Variants in HERC2 observed in about 807,000 individuals in gnomAD.
HERC2 encodes the protein HECT and RLD domain containing E3 ubiquitin protein ligase 2.
HERC2 carries 102 observed loss-of-function variants against 537.7 expected under a neutral mutation model. The observed-to-expected ratio is 0.19, with a 90% CI of 0.16 to 0.22. The LOEUF is 0.22. Among genes scored for constraint, HERC2 ranks in the 10% least tolerant of loss-of-function variants. The pLI, the probability that HERC2 is intolerant of heterozygous loss-of-function variation, is 1.00. For missense variants in HERC2, 4,236 were observed against 6,198.2 expected, an observed-to-expected ratio of 0.68 and a Z score of 10.63; for synonymous variants, 2,224 against 2,466.2, an observed-to-expected ratio of 0.90 and a Z score of 2.91.
chr15:28,248,132 C>G (rs1329929552), intron 21 of HERC2, among the ~76,000 whole-genome samples: 2 of 152,190 alleles, frequency 1.3e-5, no homozygotes, highest in Non-Finnish European at 2.9e-5. Context: ...AACTATTAAG[C>G]CGAGCTGTAA....
chr15:28,276,443 A>G (rs1011116553), intron 5 of HERC2, among the ~76,000 whole-genome samples: 4 of 152,180 alleles, frequency 2.6e-5, no homozygotes, highest in Admixed American at 6.5e-5. Flanking sequence ...AGACACAGAC[A>G]TGTAACAGGA....
At position 28,177,368 on chromosome 15, in the gene HERC2, A is replaced by C; in HGVS notation, c.9254+51T>G. ...CTGCAAAATAATTCTCAAGAGTATC[A>C]GTCAGAAACAGTTTCTTATTAGCAA... On this transcript the variant is annotated intron_variant, in intron 60 of 92. Coordinates refer to ENST00000261609, the MANE Select transcript of HERC2 (RefSeq NM_004667.6). This position sits in a 1 kb window ranked among gnomAD's most constrained non-coding sequence, Gnocchi z 5.0. 1 of 1,489,102 alleles carries C rather than the reference A, an allele frequency of 6.7e-7. No individual in the cohort carries two copies. The highest frequency in any genetic ancestry group is 1.1e-5 in the South Asian group (1 of 88,174). The allele number at this position is 1,489,102 out of a possible 1,614,324, so 92.2% of individuals were successfully genotyped here.
At chr15:28,287,192 ATG>A (rs1480101474) in intron 4 of HERC2, among the ~76,000 whole-genome samples, 1 of 152,236 alleles carries the variant, frequency 6.6e-6, no homozygotes, top group East Asian at 1.9e-4. Flanking sequence ...GCTCAAATTA[ATG>A]TGTTTTTCTT....
At position 28,160,108 on chromosome 15, in the gene HERC2, G is replaced by A. The variant is rs957427531; in HGVS notation, c.10746+2986C>T. Among the ~76,000 whole-genome samples the A allele has an allele frequency of 5.9e-5, 9 of 152,298 alleles. No individual in the cohort carries two copies. The Middle Eastern group carries it at 0.014, about 232-fold the overall frequency. ...TTCCTCTGGAAGTTTTGTCTCAGAG[G>A]GGTACCCGGCCGTGTGAGGTGTCAG... On this transcript the variant is annotated intron_variant, in intron 69 of 92. Coordinates refer to ENST00000261609, the MANE Select transcript of HERC2 (RefSeq NM_004667.6).
In HERC2 at chr15:28,191,190, T is replaced by C. The variant is rs140167298; in HGVS notation, c.8506A>G (p.Ile2836Val). 85 of 1,613,998 alleles carry C rather than the reference T, an allele frequency of 5.3e-5. No homozygotes were observed. The African/African-American group carries it at 8.9e-4, about 17-fold the overall frequency. The change falls in exon 54 of 93, where the codon ATC (isoleucine) becomes GTC (valine). Residue 2836 changes from isoleucine to valine, a missense_variant. Physicochemically the swap from Ile to Val is conservative, Grantham distance 29 (BLOSUM62 3). Around this residue, in one of 27 missense-constraint regions of HERC2, gnomAD observed 606 missense variants for 884.5 expected, o/e 0.69. Transcript: ENST00000261609. ...TAGCTACTGTCAGCAGGATCTACGA[T>C]CATTTTTAATCTATGAACAAGAACA... The part of the protein sequence containing the change: ...PDVLVHRLKM[I>V]VDPADSSYMP...
At chr15:28,261,019 C>T (rs2075402254) in intron 15 of HERC2, 49 bp from the exon 16 acceptor site, 3 of 1,424,010 alleles carry the variant, frequency 2.1e-6, no homozygotes, top group Non-Finnish European at 2.9e-6. Context: ...ATGACTTCCG[C>T]TGCAAGAAAG....
At chr15:28,132,363 T>C (rs1890196624) in intron 80 of HERC2, 102 bp from the exon 81 acceptor site, 1 of 1,116,050 alleles carries the variant, frequency 9.0e-7, no homozygotes, top group African/African-American at 1.6e-5. Flanking sequence ...GGGGTACCTG[T>C]TTTAAGCCTT....
chr15:28,147,731 A>T (rs1192815472), intron 70 of HERC2, among the ~76,000 whole-genome samples: 1 of 152,136 alleles, frequency 6.6e-6, no homozygotes, highest in African/African-American at 2.4e-5. Flanking sequence ...ATAAAAAGTT[A>T]TTGTTAGAAA....
chr15:28,146,894 G>T (rs1236352494), intron 70 of HERC2, among the ~76,000 whole-genome samples: 1 of 132,392 alleles, frequency 7.6e-6, no homozygotes, highest in Non-Finnish European at 1.6e-5. Flanking sequence ...CGGGAAAGAG[G>T]CAGGGGAGGA....
At position 28,272,300 on chromosome 15, in the gene HERC2, G is replaced by A. The variant is rs1241507211; in HGVS notation, c.998C>T (p.Thr333Ile). ...CAGCAAGGGCAAAAGTGGGGCGCTG[G>A]TGCCCTGGGCGGAACGCTCATTGTC... ...ETDNERSAQG[T>I]SAPLLPLLQR... Residue 333 changes from threonine (T) to isoleucine (I), a missense_variant, in exon 9 of 93, where the codon ACC becomes ATC. Thr to Ile is a moderately conservative substitution (Grantham distance 89). Around this residue, in one of 27 missense-constraint regions of HERC2, gnomAD observed 491 missense variants for 559.3 expected, o/e 0.88. Transcript: ENST00000261609. 6.2e-7 allele frequency: 1 copy of A among 1,612,540 alleles called. No homozygotes were observed. The highest frequency in any genetic ancestry group is 8.5e-7 in the Non-Finnish European group (1 of 1,179,390).
chr15:28,304,453 C>T (rs1490762490), intron 2 of HERC2, among the ~76,000 whole-genome samples: 1 of 151,594 alleles, frequency 6.6e-6, no homozygotes, highest in Non-Finnish European at 1.5e-5. Context: ...CTGCAATCTC[C>T]ACCTCCGGGG....
intron 57 of HERC2, among the ~76,000 whole-genome samples, chr15:28,182,018 G>T (rs565945868): frequency 6.6e-6 from 1 of 152,188 alleles, no homozygotes; most frequent in Admixed American, 6.5e-5. Context: ...TCTCAGGCGC[G>T]AAGCACCTGG....
At chr15:28,246,089 T>C in intron 22 of HERC2, 23 bp from the exon 23 acceptor site, 1 of 1,454,614 alleles carries the variant, frequency 6.9e-7, no homozygotes, top group Non-Finnish European at 9.5e-7. Flanking sequence ...AATAATAAGA[T>C]TTAAATAAGT....
chr15:28,216,665 C>G (rs1023005184), intron 38 of HERC2, among the ~76,000 whole-genome samples: 33 of 151,004 alleles, frequency 2.2e-4, no homozygotes, highest in African/African-American at 7.8e-4. Flanking sequence ...CATCCTCACA[C>G]TCACACTGAT....
chr15:28,152,879 T>C (rs1325439038), intron 69 of HERC2, 49 bp from the exon 70 acceptor site: 1 of 1,533,404 alleles, frequency 6.5e-7, no homozygotes, highest in African/African-American at 1.4e-5. Flanking sequence ...GCCCCACACC[T>C]GGTCACCTGC....
Position 28,196,452 on chromosome 15 carries a change from A to C in HERC2, c.8120+9T>G. The stretch of plus-strand genomic sequence containing the variant: ...CAAAGCAAATCTAGCAACCATAAAA[A>C]TAACTCACGTAACCCCAGGATGAAT... On this transcript the variant is annotated intron_variant, in intron 51 of 92. Coordinates refer to ENST00000261609, the MANE Select transcript of HERC2 (RefSeq NM_004667.6). 1 of 1,607,644 alleles carries C rather than the reference A, an allele frequency of 6.2e-7. No individual in the cohort carries two copies. Among genetic ancestry groups the C allele is most frequent in the Non-Finnish European group, 8.5e-7 (1 of 1,175,298 alleles).
chr15:28,198,387 C>G lies in HERC2; in HGVS notation c.8002G>C (p.Val2668Leu), dbSNP rs371325151. The change falls in exon 50 of 93, where the codon GTT (valine) becomes CTT (leucine). Residue 2668 changes from valine (V) to leucine (L), a missense_variant. Coordinates refer to ENST00000261609, the MANE Select transcript of HERC2 (RefSeq NM_004667.6). The stretch of plus-strand genomic sequence containing the variant: ...ACCCAGATAATATTACCTTTCACAA[C>G]CCCCACACTCTGATGAGTCACAGAT... ...WGSVTHQSVG[V>L]VKAFSANGKD... 1.6e-4 allele frequency: 262 copies of G among 1,611,912 alleles called. No individual in the cohort carries two copies. The highest frequency in any genetic ancestry group is 2.1e-4 in the Non-Finnish European group (242 of 1,179,728).
In HERC2 at chr15:28,265,498, A is replaced by G. The variant is rs1290645185; in HGVS notation, c.1870+120T>C. ...CTTCCCCAATGCCACTGAGCCCCAC[A>G]CCCACTGGGCGACAGGGTGGGTGGC... On this transcript the variant is annotated intron_variant, in intron 14 of 92. Coordinates refer to ENST00000261609, the MANE Select transcript of HERC2 (RefSeq NM_004667.6). This position sits in a 1 kb window ranked among gnomAD's most constrained non-coding sequence, Gnocchi z 4.0. 2 of 761,754 alleles carry G rather than the reference A, an allele frequency of 2.6e-6. No homozygotes were observed. Among genetic ancestry groups the G allele is most frequent in the African/African-American group, 1.7e-5 (1 of 57,924 alleles). 47.2% of individuals were successfully genotyped at this position (761,754 alleles called of 1,614,324 possible). A position where few individuals can be genotyped will look rare whatever the true frequency, so the allele number is the denominator to read the frequency against.
Position 28,151,593 on chromosome 15 carries a change from C to T in HERC2, c.10900+1084G>A, listed in dbSNP as rs1892457618. Among the ~76,000 whole-genome samples, 5 of 152,084 alleles carry T rather than the reference C, an allele frequency of 3.3e-5. No homozygotes were observed. In the South Asian group the frequency reaches 8.3e-4, roughly 25 times the overall value. Reference sequence around the variant, plus strand: ...TGAAGAGTGGCAACCTACAAAAAACCGAGGACACCTTGTGTAGACTGCCTG... The same window carrying T: ...TGAAGAGTGGCAACCTACAAAAAACTGAGGACACCTTGTGTAGACTGCCTG... On this transcript the variant is annotated intron_variant, in intron 70 of 92. Transcript: ENST00000261609.
Sources: gnomAD v4.1 joint callset for allele counts (sites outside exome capture counted in the v4.1 genomes callset) on GRCh38, gnomAD v4.1.1 for gene constraint, gnomAD v4.1.1 regional missense constraint, Gnocchi (gnomAD v3.1) non-coding constraint, MANE v1.5 for transcripts, NCBI Gene and HGNC (gene_info 2026-07-23, HGNC 2026-07-21) for gene names.